Variants in DMGDH observed in about 807,000 individuals in gnomAD.
DMGDH encodes the protein dimethylglycine dehydrogenase.
Under a neutral mutation model 95.2 loss-of-function variants are expected in DMGDH, and 76 were observed. The observed-to-expected ratio is 0.80, with a 90% CI of 0.66 to 0.97. The LOEUF (loss-of-function observed/expected upper bound fraction) is 0.97, where lower values mean the gene tolerates loss of function less well. DMGDH is among the 50% of genes least tolerant of loss of function. The pLI is 0.00. For synonymous variants in DMGDH, 345 were observed against 377.6 expected, an observed-to-expected ratio of 0.91 and a Z score of 1.00; for missense variants, 987 against 1,055.0, an observed-to-expected ratio of 0.94 and a Z score of 0.89.
At chr5:79,061,678 G>A (rs1295014442) in intron 2 of DMGDH, among the ~76,000 whole-genome samples, 3 of 152,084 alleles carry the variant, frequency 2.0e-5, no homozygotes, top group African/African-American at 7.2e-5. Flanking sequence ...CTAAAGTCTT[G>A]GGAGGTTGAG....
intron 15 of DMGDH, chr5:79,000,846 T>C: frequency 3.1e-6 from 2 of 638,986 alleles, no homozygotes; most frequent in Non-Finnish European, 5.7e-6. Context: ...GCCACATATA[T>C]ATTTCCTCAG....
chr5:79,017,442 A>T (rs1235675860), intron 14 of DMGDH, among the ~76,000 whole-genome samples: 1 of 152,242 alleles, frequency 6.6e-6, no homozygotes, highest in Non-Finnish European at 1.5e-5. Flanking sequence ...GAAATAAATT[A>T]AAACCATCAT....
chr5:79,053,697 A>G (rs1754934582), intron 4 of DMGDH, among the ~76,000 whole-genome samples: 1 of 152,232 alleles, frequency 6.6e-6, no homozygotes, highest in African/African-American at 2.4e-5. Flanking sequence ...TCTCTCAGGC[A>G]AATGTGGTAT....
chr5:79,022,288 C>G lies in DMGDH; in HGVS notation c.2250+1983G>C, dbSNP rs140595739. ...TGTTGTATGAAGCTAGTTTGGGTAA[C>G]ATTTTGGTTTTTAGGCACAGGACTT... On this transcript the variant is annotated intron_variant, in intron 14 of 15. Coordinates refer to ENST00000255189, the MANE Select transcript of DMGDH (RefSeq NM_013391.3). 8.9e-4 allele frequency among the ~76,000 whole-genome samples: 136 copies of G among 152,240 alleles called. 1 individual carries two copies. Among genetic ancestry groups the G allele is most frequent in the African/African-American group, 3.2e-3 (134 of 41,546 alleles).
chr5:79,065,779 A>G (rs1755360089), intron 1 of DMGDH, among the ~76,000 whole-genome samples: 1 of 152,134 alleles, frequency 6.6e-6, no homozygotes, highest in African/African-American at 2.4e-5. Context: ...ATCACTACAA[A>G]CACGTGAGCA....
At chr5:79,008,267 A>G (rs1165525087) in intron 14 of DMGDH, among the ~76,000 whole-genome samples, 3 of 152,178 alleles carry the variant, frequency 2.0e-5, no homozygotes, top group Non-Finnish European at 4.4e-5. Flanking sequence ...GGATCGGGGC[A>G]TTCTTTGAGT....
At chr5:79,009,550 G>C (rs1358070749) in intron 14 of DMGDH, among the ~76,000 whole-genome samples, 1 of 151,904 alleles carries the variant, frequency 6.6e-6, no homozygotes, top group Non-Finnish European at 1.5e-5. Flanking sequence ...GATAGAGATG[G>C]GGTTTTGCCA....
In DMGDH at chr5:79,051,337, A is replaced by G. The variant is rs1371272000; in HGVS notation, c.695T>C (p.Val232Ala). The change falls in exon 5 of 16, where the codon GTT becomes GCT. Residue 232 changes from valine (V) to alanine (A), a missense_variant. By Grantham distance (64) the Val-to-Ala change is moderately conservative. Coordinates refer to ENST00000255189, the MANE Select transcript of DMGDH (RefSeq NM_013391.3). ...TCTCATAGACCCCTGTGGTGTTTCA[A>G]CGTCCCATGTTCCATCTGACCTGGC... ...LKARSDGTWDVETPQGSMRAN... is the reference protein window; with the variant it reads ...LKARSDGTWDAETPQGSMRAN... The G allele has an allele frequency of 1.9e-6, 3 of 1,614,092 alleles. No individual in the cohort carries two copies. Among genetic ancestry groups the G allele is most frequent in the Non-Finnish European group, 1.7e-6 (2 of 1,180,042 alleles).
In DMGDH at chr5:79,032,334, C is replaced by T. The variant is rs1411364920; in HGVS notation, c.1517+353G>A. Among the ~76,000 whole-genome samples, 5 of 152,316 alleles carry T rather than the reference C, an allele frequency of 3.3e-5. No homozygotes were observed. In the South Asian group the frequency reaches 1.0e-3, roughly 32 times the overall value. On this transcript the variant is annotated intron_variant, in intron 9 of 15. Coordinates refer to ENST00000255189, the MANE Select transcript of DMGDH (RefSeq NM_013391.3). ...TCCAGGTACATTTTGTGGTTATACA[C>T]GATGTGATTCCACTGAGCACCCTAA...
At position 79,005,322 on chromosome 5, in the gene DMGDH, G is replaced by A. The variant is rs550575975; in HGVS notation, c.2336C>T (p.Thr779Met). ...KRRLVCLTLA[T>M]DDVDPEGNES... ...ATTTCCCTCTGGATCAACATCATCC[G>A]TTGCCAAGGTGAGGCAGACCAGTCT... is the stretch of plus-strand genomic sequence containing the variant. The change falls in exon 15 of 16, where the codon ACG becomes ATG. Residue 779 changes from threonine (T) to methionine (M), a missense_variant. Transcript: ENST00000255189. The A allele has an allele frequency of 6.8e-5, 109 of 1,613,662 alleles. No individual in the cohort carries two copies. The highest frequency in any genetic ancestry group is 8.3e-5 in the Admixed American group (5 of 59,950).
intron 2 of DMGDH, among the ~76,000 whole-genome samples, chr5:79,061,904 G>A (rs535647224): frequency 6.6e-6 from 1 of 152,172 alleles, no homozygotes; most frequent in Admixed American, 6.5e-5. Context: ...GAAAGACCCT[G>A]TCTCAAAAAA....
rs1327239957 is a variant in DMGDH at position 79,028,446 on chromosome 5, C to T, written c.2019G>A (p.Arg673=). ...TTCCAATCTTACCAGTATAAGATAT[C>T]CTAATAGCAGTGACAGGAATGTTGG... ...KVSNIPVTAI[R]ISYTGELGWE... The change falls in exon 12 of 16, where the codon AGG becomes AGA. Residue 673 remains arginine (R), a synonymous_variant. Transcript: ENST00000255189. 6.2e-7 allele frequency: 1 copy of T among 1,612,842 alleles called. No homozygotes were observed. Among genetic ancestry groups the T allele is most frequent in the African/African-American group, 1.3e-5 (1 of 74,964 alleles).
At chr5:79,031,075 G>A in intron 9 of DMGDH, 77 bp from the exon 10 acceptor site, 2 of 1,517,156 alleles carry the variant, frequency 1.3e-6, no homozygotes, top group South Asian at 2.3e-5. Flanking sequence ...ATTTTAATAA[G>A]CCCTACTCAT....
intron 7 of DMGDH, among the ~76,000 whole-genome samples, chr5:79,041,621 CT>C (rs1754509147): frequency 6.6e-6 from 1 of 152,126 alleles, no homozygotes; most frequent in African/African-American, 2.4e-5. Flanking sequence ...CCTTGTAAAA[CT>C]GGGGCAAATT....
At chr5:79,000,833 G>T in intron 15 of DMGDH, 1 of 632,926 alleles carries the variant, frequency 1.6e-6, no homozygotes, top group South Asian at 1.9e-5. Context: ...ACCAGATGGG[G>T]TGGCCACATA....
At chr5:79,047,219 T>A (rs1754703916) in intron 5 of DMGDH, among the ~76,000 whole-genome samples, 1 of 152,102 alleles carries the variant, frequency 6.6e-6, no homozygotes, top group Admixed American at 6.6e-5. Flanking sequence ...GAAAAACAAC[T>A]AAAGAGAAGA....
intron 10 of DMGDH, 26 bp downstream of exon 10, chr5:79,030,807 C>T (rs755656316): frequency 1.2e-6 from 2 of 1,612,948 alleles, no homozygotes; most frequent in South Asian, 1.1e-5. Flanking sequence ...GAATCCTGGA[C>T]CTTGTATCCC....
At chr5:79,067,306 C>A (rs1157344891) in intron 1 of DMGDH, among the ~76,000 whole-genome samples, 1 of 152,196 alleles carries the variant, frequency 6.6e-6, no homozygotes, top group Non-Finnish European at 1.5e-5. Flanking sequence ...GACCCAACTA[C>A]TTTGGACGGA....
At chr5:79,011,609 C>A (rs1330409116) in intron 14 of DMGDH, among the ~76,000 whole-genome samples, 2 of 152,154 alleles carry the variant, frequency 1.3e-5, no homozygotes, top group African/African-American at 2.4e-5. Flanking sequence ...CATAGTTCTG[C>A]AGGCTGTACA....
Sources: allele counts gnomAD v4.1 joint callset (sites outside exome capture counted in the v4.1 genomes callset), GRCh38; gene constraint gnomAD v4.1.1; transcripts MANE v1.5; gene names NCBI Gene and HGNC (gene_info 2026-07-23, HGNC 2026-07-21).